MSRA: variants seen among roughly 807,000 people sequenced by gnomAD.
MSRA encodes methionine sulfoxide reductase A, also known as mitochondrial peptide methionine sulfoxide reductase.
MSRA carries 54 observed loss-of-function variants against 31.3 expected under a neutral mutation model. The ratio of observed to expected loss-of-function variants is 1.73; its 90% CI spans 1.39 to 2.17. The LOEUF (loss-of-function observed/expected upper bound fraction) is 2.17, where lower values mean the gene tolerates loss of function less well. Ranked by LOEUF, MSRA falls within the 30% of genes most tolerant of loss-of-function variation. The pLI, the probability that MSRA is intolerant of heterozygous loss-of-function variation, is 0.00. For missense variants in MSRA, 507 were observed against 300.9 expected (o/e 1.69, Z -5.07); for synonymous variants, 169 against 116.5 (o/e 1.45, Z -2.90).
chr8:10,406,699 C>G (rs1028716110), intron 5 of MSRA, among the ~76,000 whole-genome samples: 2 of 152,314 alleles, frequency 1.3e-5, no homozygotes, highest in South Asian at 4.1e-4. Context: ...CACAGATAAG[C>G]CATATCTCCC....
intron 1 of MSRA, among the ~76,000 whole-genome samples, chr8:10,087,088 G>A (rs1006515898): frequency 2.0e-5 from 3 of 152,152 alleles, no homozygotes; most frequent in African/African-American, 4.8e-5. Context: ...GAATTGTCAC[G>A]TGTAAAGCAT....
chr8:10,302,771 A>G (rs1800917500), intron 4 of MSRA, among the ~76,000 whole-genome samples: 1 of 152,190 alleles, frequency 6.6e-6, no homozygotes. Context: ...CGGGGGCACG[A>G]TTTCCATGAC....
At chr8:10,383,937 C>T (rs930996927) in intron 5 of MSRA, among the ~76,000 whole-genome samples, 1 of 152,140 alleles carries the variant, frequency 6.6e-6, no homozygotes, top group Non-Finnish European at 1.5e-5. Flanking sequence ...ATACGCTCAT[C>T]CCCACTGCTT....
intron 3 of MSRA, among the ~76,000 whole-genome samples, chr8:10,282,423 A>G (rs1011234344): frequency 6.6e-6 from 1 of 152,206 alleles, no homozygotes; most frequent in Non-Finnish European, 1.5e-5. Context: ...TGAAAGCTAC[A>G]AAAGTCATTG....
intron 3 of MSRA, among the ~76,000 whole-genome samples, chr8:10,270,623 C>T (rs1326365560): frequency 3.7e-4 from 56 of 152,106 alleles, no homozygotes; most frequent in Admixed American, 3.7e-3. Flanking sequence ...AGCTGGAGTT[C>T]CACACGTTGG....
chr8:10,182,290 AG>A (rs1238056681), intron 1 of MSRA, among the ~76,000 whole-genome samples: 1 of 152,240 alleles, frequency 6.6e-6, no homozygotes, highest in East Asian at 1.9e-4. Context: ...TAAGGCCAAG[AG>A]TATAAACTAA....
chr8:10,074,098 T>A (rs868714457), intron 1 of MSRA, among the ~76,000 whole-genome samples: 58 of 84,630 alleles, frequency 6.9e-4, no homozygotes, highest in African/African-American at 1.9e-3. Context: ...TTTTTTTTTT[T>A]ATTAAATGGA....
intron 2 of MSRA, among the ~76,000 whole-genome samples, chr8:10,208,609 A>C (rs7836718): frequency 1.5e-4 from 23 of 150,762 alleles, no homozygotes; most frequent in Admixed American, 1.5e-3. Context: ...TGTTGGGCCC[A>C]TCTCCCACCT....
At chr8:10,246,822 A>AT (rs1008611579) in intron 3 of MSRA, among the ~76,000 whole-genome samples, 61 of 151,400 alleles carry the variant, frequency 4.0e-4, no homozygotes, top group African/African-American at 1.4e-3. Flanking sequence ...TGGTTATCCT[A>AT]TTTTTTTTTA....
chr8:10,107,504 C>A (rs1364219690), intron 1 of MSRA, among the ~76,000 whole-genome samples: 1 of 152,204 alleles, frequency 6.6e-6, no homozygotes, highest in Non-Finnish European at 1.5e-5. Context: ...TGACTCAGAA[C>A]ATTCCTGTTT....
At chr8:10,057,862 A>G (rs1802482281) in intron 1 of MSRA, among the ~76,000 whole-genome samples, 1 of 152,168 alleles carries the variant, frequency 6.6e-6, no homozygotes. Context: ...TCTCTTCTTT[A>G]TAAGTTACCT....
intron 5 of MSRA, among the ~76,000 whole-genome samples, chr8:10,358,000 G>C (rs949320486): frequency 1.3e-5 from 2 of 152,216 alleles, no homozygotes; most frequent in African/African-American, 4.8e-5. Context: ...TTGGCTCACT[G>C]CAACCTCTGC....
intron 4 of MSRA, among the ~76,000 whole-genome samples, chr8:10,305,874 G>A (rs1415677847): frequency 2.0e-5 from 3 of 152,222 alleles, no homozygotes; most frequent in Admixed American, 6.5e-5. Context: ...AAGGAGGAAT[G>A]ACAGACATGC....
chr8:10,261,462 G>T (rs1011279221), intron 3 of MSRA, among the ~76,000 whole-genome samples: 3 of 151,828 alleles, frequency 2.0e-5, no homozygotes, highest in Non-Finnish European at 4.4e-5. Context: ...TTGGGAGGCT[G>T]AGATGGGAGG....
chr8:10,198,092 C>G (rs1023224476), intron 1 of MSRA, among the ~76,000 whole-genome samples: 1 of 152,086 alleles, frequency 6.6e-6, no homozygotes, highest in Admixed American at 6.5e-5. Flanking sequence ...GGCTAACTTT[C>G]CTTTTTTCAA....
At chr8:10,416,703 C>T (rs1808481416) in intron 5 of MSRA, among the ~76,000 whole-genome samples, 1 of 152,198 alleles carries the variant, frequency 6.6e-6, no homozygotes, top group African/African-American at 2.4e-5. Flanking sequence ...CCTGCAAGAG[C>T]AGAGCTGCTT....
chr8:10,312,974 A>G (rs898493680), intron 4 of MSRA, among the ~76,000 whole-genome samples: 28 of 152,226 alleles, frequency 1.8e-4, no homozygotes, highest in African/African-American at 6.8e-4. Flanking sequence ...ATGCCATTGC[A>G]ATTTCTAATC....
chr8:10,206,233 C>T (rs569687907), intron 1 of MSRA, among the ~76,000 whole-genome samples: 1 of 152,246 alleles, frequency 6.6e-6, no homozygotes, highest in African/African-American at 2.4e-5. Context: ...AATTCAGTAA[C>T]CAGTGGTCCT....
intron 1 of MSRA, among the ~76,000 whole-genome samples, chr8:10,111,885 G>A (rs966315391): frequency 6.6e-6 from 1 of 152,172 alleles, no homozygotes; most frequent in Non-Finnish European, 1.5e-5. Context: ...TAACGGAGGA[G>A]GATGGTGACA....
Sources: gnomAD v4.1 joint callset for allele counts (sites outside exome capture counted in the v4.1 genomes callset) on GRCh38, gnomAD v4.1.1 for gene constraint, MANE v1.5 for transcripts, NCBI Gene and HGNC (gene_info 2026-07-23, HGNC 2026-07-21) for gene names.